SGF29: variants seen among roughly 807,000 people sequenced by gnomAD.
SGF29 encodes SAGA complex associated factor 29.
In SGF29, 15 loss-of-function variants were observed where a neutral mutation model predicts 38.1. The ratio of observed to expected loss-of-function variants is 0.39; its 90% CI spans 0.26 to 0.61. The LOEUF (loss-of-function observed/expected upper bound fraction) is 0.61. Ranked by LOEUF, SGF29 falls within the 20% of genes least tolerant of loss-of-function variation. The pLI, the probability that SGF29 is intolerant of heterozygous loss-of-function variation, is 0.49. For synonymous variants in SGF29, 151 were observed against 160.8 expected (o/e 0.94, Z 0.46); for missense variants, 184 against 394.6 (o/e 0.47, Z 4.52).
At chr16:28,583,664 A>T (rs777948043) in intron 2 of SGF29, among the ~76,000 whole-genome samples, 2 of 152,236 alleles carry the variant, frequency 1.3e-5, no homozygotes, top group Non-Finnish European at 2.9e-5. Context: ...GAATTGCACC[A>T]GCATTCTTCC....
chr16:28,559,502 G>A (rs2046772917), intron 1 of SGF29, among the ~76,000 whole-genome samples: 1 of 152,158 alleles, frequency 6.6e-6, no homozygotes, highest in South Asian at 2.1e-4. Context: ...TTGTGCCTCA[G>A]CTTCTCAAGT....
intron 1 of SGF29, among the ~76,000 whole-genome samples, chr16:28,562,867 G>A (rs1003074642): frequency 7.5e-6 from 1 of 132,766 alleles, no homozygotes; most frequent in East Asian, 2.3e-4. Flanking sequence ...TTGGGCCACT[G>A]CACTCCAGCT....
chr16:28,557,451 T>A (rs1383861935), intron 1 of SGF29, among the ~76,000 whole-genome samples: 1 of 152,216 alleles, frequency 6.6e-6, no homozygotes, highest in African/African-American at 2.4e-5. Context: ...ACCTCTTCCT[T>A]CATCTGTATC....
intron 3 of SGF29, 180 bp downstream of exon 3, chr16:28,585,168 C>T: frequency 1.7e-6 from 1 of 583,216 alleles, no homozygotes. Flanking sequence ...TAAAATCCCT[C>T]TACTCTGAGG....
intron 3 of SGF29, 113 bp downstream of exon 3, chr16:28,585,101 T>A (rs2046949364): frequency 1.3e-6 from 1 of 772,442 alleles, no homozygotes; most frequent in South Asian, 1.7e-5. Flanking sequence ...TGTATCTGCA[T>A]ATTCCAAAAT....
intron 4 of SGF29, among the ~76,000 whole-genome samples, chr16:28,588,265 A>T (rs969167243): frequency 2.0e-5 from 3 of 152,164 alleles, no homozygotes; most frequent in South Asian, 2.1e-4. Context: ...AAGGCCATGC[A>T]GGGGTCTGTC....
intron 2 of SGF29, among the ~76,000 whole-genome samples, chr16:28,584,486 C>G (rs2046943508): frequency 6.6e-6 from 1 of 150,832 alleles, no homozygotes; most frequent in Non-Finnish European, 1.5e-5. Flanking sequence ...AACCCTGTCT[C>G]TACTAAAAAT....
At chr16:28,558,341 C>A (rs578069913) in intron 1 of SGF29, among the ~76,000 whole-genome samples, 13 of 151,332 alleles carry the variant, frequency 8.6e-5, no homozygotes, top group African/African-American at 3.2e-4. Flanking sequence ...GTCTTGACCT[C>A]TTGACCTCAT....
chr16:28,589,076 T>TTTCTCCC (rs746260943), intron 4 of SGF29, 24 bp from the exon 5 acceptor site: 2 of 1,613,804 alleles, frequency 1.2e-6, no homozygotes, highest in African/African-American at 2.7e-5. Flanking sequence ...CCAAACCCTC[T>TTTCTCCC]TTCTCCCTTC....
chr16:28,584,981 GA>G lies in SGF29; in HGVS notation c.146del (p.Asn49ThrfsTer71). The stretch of plus-strand genomic sequence containing the variant: ...AGACCCATGAGCGGATGCAGACAGA[GA>G]ACAAGAGTGAGTAGCTGGGCTCAGG... ...QKTHERMQTE[N>X]KISPYYRTKL... On this transcript the variant is annotated frameshift_variant, in exon 3 of 10. Coordinates refer to ENST00000317058, the MANE Select transcript of SGF29 (RefSeq NM_138414.3). LOFTEE classifies it high-confidence loss of function. 1 of 1,613,732 alleles carries G rather than the reference GA, an allele frequency of 6.2e-7. No individual in the cohort carries two copies. The highest frequency in any genetic ancestry group is 8.5e-7 in the Non-Finnish European group (1 of 1,179,836).
At chr16:28,588,561 T>C in intron 4 of SGF29, 1 of 427,842 alleles carries the variant, frequency 2.3e-6, no homozygotes. Flanking sequence ...ACTGAAGATT[T>C]CCAGTTTTCT....
At chr16:28,554,515 T>TAC (rs1171088068) in intron 1 of SGF29, among the ~76,000 whole-genome samples, 5 of 152,128 alleles carry the variant, frequency 3.3e-5, no homozygotes, top group Admixed American at 2.6e-4. Flanking sequence ...CTTAACAAGA[T>TAC]ACACTAACAG....
intron 1 of SGF29, among the ~76,000 whole-genome samples, chr16:28,575,320 C>T (rs1016921376): frequency 2.0e-5 from 3 of 152,176 alleles, no homozygotes; most frequent in Admixed American, 6.5e-5. Flanking sequence ...ATCAATATCA[C>T]AAGCAGCTAA....
intron 1 of SGF29, among the ~76,000 whole-genome samples, chr16:28,580,015 T>A (rs1244646600): frequency 6.6e-5 from 10 of 152,174 alleles, no homozygotes; most frequent in African/African-American, 2.4e-4. Context: ...TAAAATCTTA[T>A]TTGAATCTCC....
At chr16:28,574,254 A>G (rs1428330903) in intron 1 of SGF29, among the ~76,000 whole-genome samples, 1 of 152,212 alleles carries the variant, frequency 6.6e-6, no homozygotes, top group Non-Finnish European at 1.5e-5. Flanking sequence ...CCTTGATCCT[A>G]GGACATTCTA....
intron 1 of SGF29, among the ~76,000 whole-genome samples, chr16:28,568,237 C>T (rs757955385): frequency 6.6e-5 from 9 of 136,230 alleles, no homozygotes; most frequent in Non-Finnish European, 1.2e-4. Flanking sequence ...TGCTTGAATC[C>T]GGGAGGTGGA....
intron 9 of SGF29, 69 bp downstream of exon 9, chr16:28,591,004 C>T (rs1321589302): frequency 2.7e-6 from 4 of 1,483,304 alleles, no homozygotes; most frequent in Non-Finnish European, 3.6e-6. Flanking sequence ...GACGAGGGGT[C>T]CTCTCCCCAC....
chr16:28,557,976 T>G (rs1228951906), intron 1 of SGF29, among the ~76,000 whole-genome samples: 3 of 145,048 alleles, frequency 2.1e-5, no homozygotes, highest in Non-Finnish European at 4.5e-5. Flanking sequence ...TTTTTTTTTT[T>G]TTTTTTTTTT....
intron 1 of SGF29, among the ~76,000 whole-genome samples, chr16:28,565,801 T>C (rs1474978249): frequency 6.6e-6 from 1 of 151,768 alleles, no homozygotes; most frequent in African/African-American, 2.4e-5. Flanking sequence ...ATGGTAGTTT[T>C]ATGGTGAAGG....
Sources: allele counts gnomAD v4.1 joint callset (sites outside exome capture counted in the v4.1 genomes callset), GRCh38; gene constraint gnomAD v4.1.1; transcripts MANE v1.5; gene names NCBI Gene and HGNC (gene_info 2026-07-23, HGNC 2026-07-21).